The following MCHR2 variants were observed in gnomAD, a reference collection of about 807,000 sequenced individuals.
MCHR2 encodes the protein melanin concentrating hormone receptor 2, also known as melanin-concentrating hormone receptor 2.
Under a neutral mutation model 24.8 loss-of-function variants are expected in MCHR2, and 15 were observed. That is an observed-to-expected ratio of 0.60 (90% CI 0.40 to 0.93). The LOEUF is 0.93. Among genes scored for constraint, MCHR2 ranks in the 40% least tolerant of loss-of-function variants. The pLI is 0.00. For synonymous variants in MCHR2, 151 were observed against 147.6 expected (o/e 1.02, Z -0.17); for missense variants, 386 against 408.7 (o/e 0.94, Z 0.48).
At chr6:99,935,337 C>T (rs899181968) in intron 4 of MCHR2, among the ~76,000 whole-genome samples, 1 of 151,924 alleles carries the variant, frequency 6.6e-6, no homozygotes, top group East Asian at 1.9e-4. Flanking sequence ...ATCTTTGTAT[C>T]CACTTAATTA....
intron 1 of MCHR2, among the ~76,000 whole-genome samples, chr6:99,985,777 T>C (rs59174187): frequency 0.022 from 3,316 of 152,252 alleles, 94 homozygotes; most frequent in East Asian, 0.12. Flanking sequence ...AAAGAATTTA[T>C]GACTAAGTCC....
At chr6:99,992,535 C>T (rs975533815) in intron 1 of MCHR2, among the ~76,000 whole-genome samples, 4 of 152,130 alleles carry the variant, frequency 2.6e-5, no homozygotes, top group Non-Finnish European at 5.9e-5. Context: ...ATCTTGGACC[C>T]GTAGGATTGT....
At chr6:99,977,290 AG>A (rs1377797404) in intron 1 of MCHR2, among the ~76,000 whole-genome samples, 5 of 152,236 alleles carry the variant, frequency 3.3e-5, no homozygotes, top group African/African-American at 4.8e-5. Context: ...TAGGGAGCTC[AG>A]ACTCAAGTTC....
intron 4 of MCHR2, among the ~76,000 whole-genome samples, chr6:99,937,308 A>AT (rs1418855539): frequency 1.3e-5 from 2 of 151,762 alleles, no homozygotes; most frequent in African/African-American, 4.8e-5. Context: ...AAGGCCTTCA[A>AT]TTTTTCCCCA....
chr6:99,981,642 T>C (rs757958360), intron 1 of MCHR2, among the ~76,000 whole-genome samples: 3 of 152,190 alleles, frequency 2.0e-5, no homozygotes, highest in Non-Finnish European at 4.4e-5. Context: ...GGAAATGAGA[T>C]GTAAGGCACC....
chr6:99,922,852 C>T (rs952751806), intron 5 of MCHR2, among the ~76,000 whole-genome samples: 12 of 151,958 alleles, frequency 7.9e-5, no homozygotes, highest in African/African-American at 2.2e-4. Context: ...TCTTTTTGCT[C>T]AGGATATATT....
At chr6:99,962,119 T>C (rs1451411899) in intron 1 of MCHR2, among the ~76,000 whole-genome samples, 2 of 152,150 alleles carry the variant, frequency 1.3e-5, no homozygotes, top group African/African-American at 2.4e-5. Flanking sequence ...ACTAGTCTTG[T>C]GCTTTGGGTC....
chr6:99,952,646 C>A (rs552666270), intron 2 of MCHR2, among the ~76,000 whole-genome samples: 1 of 152,014 alleles, frequency 6.6e-6, no homozygotes, highest in East Asian at 1.9e-4. Context: ...AACATTAATA[C>A]AAACTGCCTT....
At chr6:99,980,483 G>T (rs971062869) in intron 1 of MCHR2, among the ~76,000 whole-genome samples, 34 of 152,178 alleles carry the variant, frequency 2.2e-4, no homozygotes, top group African/African-American at 8.2e-4. Flanking sequence ...GGCCTTCTGA[G>T]AGGCAGGGAA....
intron 1 of MCHR2, among the ~76,000 whole-genome samples, chr6:99,970,647 C>T (rs1775391804): frequency 6.6e-6 from 1 of 152,092 alleles, no homozygotes. Context: ...ATGCCTATGT[C>T]CTGAATGGTA....
At chr6:99,978,512 G>A (rs774495356) in intron 1 of MCHR2, among the ~76,000 whole-genome samples, 40 of 136,814 alleles carry the variant, frequency 2.9e-4, no homozygotes, top group Admixed American at 1.6e-3. Flanking sequence ...TCCACCTCCC[G>A]GGTTCAAGTG....
At chr6:99,973,869 A>T (rs1278314513) in intron 1 of MCHR2, among the ~76,000 whole-genome samples, 3 of 152,202 alleles carry the variant, frequency 2.0e-5, no homozygotes, top group Non-Finnish European at 4.4e-5. Flanking sequence ...TCTTTCTTTA[A>T]GAATGTTAAA....
chr6:99,981,218 T>C (rs142899923), intron 1 of MCHR2, among the ~76,000 whole-genome samples: 3 of 152,334 alleles, frequency 2.0e-5, no homozygotes, highest in Admixed American at 2.0e-4. Flanking sequence ...AACATTAACA[T>C]AGCAATCCTA....
In MCHR2 at chr6:99,931,928, G is replaced by A. The variant is rs535347598; in HGVS notation, c.707+2470C>T. Among the ~76,000 whole-genome samples, 7 of 152,228 alleles carry A rather than the reference G, an allele frequency of 4.6e-5. No individual in the cohort carries two copies. The South Asian group carries it at 6.2e-4, about 14-fold the overall frequency. On this transcript the variant is annotated intron_variant, in intron 5 of 5. Transcript: ENST00000281806. The stretch of plus-strand genomic sequence containing the variant: ...AATGCAGAAATCACCCGTCTTCTGC[G>A]TCGCTCACGCTGGGAGCTGTAGACC...
chr6:99,934,344 G>A lies in MCHR2; in HGVS notation c.707+54C>T, dbSNP rs142722505. 1,094 of 1,476,012 alleles carry A rather than the reference G, an allele frequency of 7.4e-4. 7 individuals carry two copies. In the African/African-American group the frequency reaches 0.014, roughly 19 times the overall value. 91.4% of individuals were successfully genotyped at this position (1,476,012 alleles called of 1,614,324 possible). A position where few individuals can be genotyped will look rare whatever the true frequency, so the allele number is the denominator to read the frequency against. Reference sequence around the variant, plus strand: ...TGTTGCCTAAGTTTCTATTGTAGATGTCTTAGGCTATCTAAATTGTTCTTT... The same window carrying A: ...TGTTGCCTAAGTTTCTATTGTAGATATCTTAGGCTATCTAAATTGTTCTTT... On this transcript the variant is annotated intron_variant, in intron 5 of 5. Coordinates refer to ENST00000281806, the MANE Select transcript of MCHR2 (RefSeq NM_001040179.2).
intron 2 of MCHR2, among the ~76,000 whole-genome samples, chr6:99,951,964 A>T (rs1171149267): frequency 1.3e-5 from 2 of 152,092 alleles, no homozygotes; most frequent in Non-Finnish European, 2.9e-5. Flanking sequence ...GGCACCTTTT[A>T]TAGAGACTCT....
chr6:99,967,730 C>A (rs1435824375), intron 1 of MCHR2, among the ~76,000 whole-genome samples: 3 of 152,066 alleles, frequency 2.0e-5, no homozygotes, highest in Non-Finnish European at 4.4e-5. Flanking sequence ...GTCAACAATC[C>A]CCCCTCCATA....
intron 1 of MCHR2, among the ~76,000 whole-genome samples, chr6:99,993,358 C>T (rs572007542): frequency 3.3e-5 from 5 of 152,262 alleles, no homozygotes; most frequent in African/African-American, 1.2e-4. Context: ...GTGCAGGAGT[C>T]CTGTGACAGA....
intron 2 of MCHR2, among the ~76,000 whole-genome samples, chr6:99,948,917 A>G (rs1054195352): frequency 6.6e-6 from 1 of 152,190 alleles, no homozygotes; most frequent in Non-Finnish European, 1.5e-5. Context: ...AGTGAGAGTC[A>G]TCTGAAAAGA....
Sources: gnomAD v4.1 joint callset for allele counts (sites outside exome capture counted in the v4.1 genomes callset) on GRCh38, gnomAD v4.1.1 for gene constraint, MANE v1.5 for transcripts, NCBI Gene and HGNC (gene_info 2026-07-23, HGNC 2026-07-21) for gene names.